Variants in REDIC1 observed in about 807,000 individuals in gnomAD.
The protein encoded by REDIC1 is regulator of DNA class I crossover intermediates 1, also known as HEI10 Interacting Protein 1.
the REDIC1 span, among the ~76,000 whole-genome samples, chr12:39,770,561 T>C: frequency 3.9e-5 from 6 of 152,200 alleles, no homozygotes; most frequent in African/African-American, 1.4e-4. Flanking sequence ...TCCTGTTTCC[T>C]GATCTGTGAG....
At chr12:39,718,610 C>A in the REDIC1 span, among the ~76,000 whole-genome samples, 1 of 152,116 alleles carries the variant, frequency 6.6e-6, no homozygotes. Context: ...GTTAGCCTAT[C>A]CCATCCTGCC....
At chr12:39,715,829 A>G in the REDIC1 span, among the ~76,000 whole-genome samples, 1 of 151,962 alleles carries the variant, frequency 6.6e-6, no homozygotes, top group Non-Finnish European at 1.5e-5. Context: ...TATGGACTGA[A>G]TGAACCTTAT....
the REDIC1 span, chr12:39,759,747 A>T: frequency 5.6e-6 from 2 of 356,536 alleles, no homozygotes; most frequent in Non-Finnish European, 5.1e-6. Context: ...GTCACTGGGT[A>T]CAATATTCAT....
chr12:39,713,559 C>T, the REDIC1 span, among the ~76,000 whole-genome samples: 1 of 148,922 alleles, frequency 6.7e-6, no homozygotes, highest in African/African-American at 2.5e-5. Flanking sequence ...TGCGTGCATA[C>T]ATGTGTACGC....
the REDIC1 span, among the ~76,000 whole-genome samples, chr12:39,688,230 A>G: frequency 3.9e-5 from 6 of 152,240 alleles, no homozygotes; most frequent in African/African-American, 1.4e-4. Context: ...AGACAAAAAT[A>G]TAATGCATTT....
the REDIC1 span, among the ~76,000 whole-genome samples, chr12:39,893,262 A>G: frequency 6.6e-6 from 1 of 152,160 alleles, no homozygotes; most frequent in East Asian, 1.9e-4. Context: ...ATCTATGTCT[A>G]TTTTATAGAA....
chr12:39,864,669 C>T, the REDIC1 span: 2 of 1,511,380 alleles, frequency 1.3e-6, no homozygotes, highest in Non-Finnish European at 1.8e-6. Flanking sequence ...GCCCAGCAAG[C>T]TCCTACTCAT....
chr12:39,896,240 ATATGTATACATGTATGTATATG>A, the REDIC1 span, among the ~76,000 whole-genome samples: 4 of 100,844 alleles, frequency 4.0e-5, no homozygotes, highest in Admixed American at 2.0e-4. Flanking sequence ...ATATGTGTAT[ATATGTATACATGTATGTATATG>A]TGTGTATATA....
the REDIC1 span, among the ~76,000 whole-genome samples, chr12:39,884,411 T>C: frequency 0.051 from 7,738 of 152,318 alleles, 276 homozygotes; most frequent in African/African-American, 0.11. Context: ...CTATGTCCTT[T>C]ACCTCTGGTT....
the REDIC1 span, among the ~76,000 whole-genome samples, chr12:39,796,803 T>C: frequency 9.2e-5 from 14 of 152,222 alleles, no homozygotes; most frequent in African/African-American, 1.7e-4. Flanking sequence ...ATTCTCCTGC[T>C]AGATGGTTTT....
chr12:39,713,295 T>G, the REDIC1 span, among the ~76,000 whole-genome samples: 2 of 29,656 alleles, frequency 6.7e-5, no homozygotes, highest in African/African-American at 1.2e-4. Flanking sequence ...TGTATATATG[T>G]GTACACACAC....
the REDIC1 span, chr12:39,829,553 A>G: frequency 6.4e-6 from 1 of 157,452 alleles, no homozygotes; most frequent in African/African-American, 2.4e-5. Context: ...AGCTGGGATT[A>G]CAGGCATGTG....
At chr12:39,764,036 C>T in the REDIC1 span, among the ~76,000 whole-genome samples, 8 of 152,228 alleles carry the variant, frequency 5.3e-5, no homozygotes, top group African/African-American at 1.7e-4. Context: ...TTCAGCCCTA[C>T]GCAGATTCTG....
the REDIC1 span, among the ~76,000 whole-genome samples, chr12:39,632,801 A>ATGTATGTACTTACATAGTAAGATATG: frequency 6.6e-6 from 1 of 152,204 alleles, no homozygotes; most frequent in Admixed American, 6.5e-5. Flanking sequence ...AATAGTAAGT[A>ATGTATGTACTTACATAGTAAGATATG]TTTATGTATC....
chr12:39,822,477 G>A, the REDIC1 span, among the ~76,000 whole-genome samples: 3 of 152,118 alleles, frequency 2.0e-5, no homozygotes, highest in Non-Finnish European at 2.9e-5. Flanking sequence ...CACCAGCCAC[G>A]CATTTTCCTT....
chr12:39,785,976 T>C, the REDIC1 span, among the ~76,000 whole-genome samples: 1 of 152,196 alleles, frequency 6.6e-6, no homozygotes, highest in Non-Finnish European at 1.5e-5. Context: ...TACAGGCTCA[T>C]AGGTGGAAGG....
At chr12:39,773,170 T>G in the REDIC1 span, among the ~76,000 whole-genome samples, 2 of 152,198 alleles carry the variant, frequency 1.3e-5, no homozygotes, top group Admixed American at 1.3e-4. Flanking sequence ...CTCTTGGATG[T>G]GGCACCTTTT....
the REDIC1 span, among the ~76,000 whole-genome samples, chr12:39,865,980 T>C: frequency 0.018 from 2,677 of 152,290 alleles, 78 homozygotes; most frequent in African/African-American, 0.058. Context: ...CTCTGAGATA[T>C]GTGTTAACTT....
chr12:39,721,290 G>A, the REDIC1 span: 2 of 1,536,378 alleles, frequency 1.3e-6, no homozygotes, highest in Non-Finnish European at 1.8e-6. Context: ...AATTTCACTT[G>A]CCCTTAGAAA....
Sources: allele counts gnomAD v4.1 joint callset (sites outside exome capture counted in the v4.1 genomes callset), GRCh38; gene constraint gnomAD v4.1.1; transcripts MANE v1.5; gene names NCBI Gene and HGNC (gene_info 2026-07-23, HGNC 2026-07-21).